Variants in GAPDH observed in about 807,000 individuals in gnomAD.
The protein encoded by GAPDH is OCAS, p38 component.
Under a neutral mutation model 31.2 loss-of-function variants are expected in GAPDH, and 13 were observed. The ratio of observed to expected loss-of-function variants is 0.42; its 90% confidence interval spans 0.27 to 0.66. The LOEUF (loss-of-function observed/expected upper bound fraction) is 0.66. GAPDH is among the 30% of genes least tolerant of loss of function. The pLI, the probability that GAPDH is intolerant of heterozygous loss-of-function variation, is 0.26. For missense variants in GAPDH, 300 were observed against 443.7 expected, an observed-to-expected ratio of 0.68 and a Z score of 2.91; for synonymous variants, 211 against 166.9, an observed-to-expected ratio of 1.26 and a Z score of -2.04.
intron 2 of GAPDH, 40 bp downstream of exon 2, chr12:6,534,901 GCCCC>G: frequency 6.2e-7 from 1 of 1,605,086 alleles, no homozygotes; most frequent in South Asian, 1.1e-5. Flanking sequence ...GGCTGCGACC[GCCCC>G]CGAACCGCGT....
chr12:6,537,467 G>A lies in GAPDH; in HGVS notation c.525+77G>A, dbSNP rs567733940. ...TGGCTCCTCCCTGCCGGGGCTGCGT[G>A]CAACCCTGGGGTTGGGGGTTCTGGG... is the stretch of plus-strand genomic sequence containing the variant. On this transcript the variant is annotated intron_variant, in intron 7 of 8. Transcript: ENST00000229239. This position sits in a 1 kb window ranked among gnomAD's most constrained non-coding sequence, Gnocchi z 4.9. 3.8e-6 allele frequency: 6 copies of A among 1,582,896 alleles called. No individual in the cohort carries two copies. The highest frequency in any genetic ancestry group is 5.2e-6 in the Non-Finnish European group (6 of 1,155,204).
rs757670451 is a variant in GAPDH, at chr12:6,536,481, T to C, written c.30-13T>C. On this transcript the variant is annotated splice_polypyrimidine_tract_variant and intron_variant, in intron 2 of 8. Coordinates refer to ENST00000229239, the MANE Select transcript of GAPDH (RefSeq NM_002046.7). ...CCTCCCCTCCTCATGCCTTCTTGCC[T>C]CTTGTCTCTTAGATTTGGTCGTATT... 7 of 1,604,816 alleles carry C rather than the reference T, an allele frequency of 4.4e-6. No individual in the cohort carries two copies.
At position 6,538,120 on chromosome 12, in the gene GAPDH, T is replaced by C; in HGVS notation, c.958T>C (p.Tyr320His). The C allele has an allele frequency of 6.2e-7, 1 of 1,613,784 alleles. No homozygotes were observed. The highest frequency in any genetic ancestry group is 8.5e-7 in the Non-Finnish European group (1 of 1,179,980). ...TTCTAGGTATGACAACGAATTTGGCTACAGCAACAGGGTGGTGGACCTCAT... is the reference window on the plus strand; with the variant it reads ...TTCTAGGTATGACAACGAATTTGGCCACAGCAACAGGGTGGTGGACCTCAT... The part of the protein sequence containing the change: ...LISWYDNEFG[Y>H]SNRVVDLMAH... Residue 320 changes from tyrosine (Y) to histidine (H), a missense_variant, in exon 9 of 9, where the codon TAC (tyrosine) becomes CAC (histidine). By Grantham distance (83) the Tyr-to-His change is moderately conservative. Transcript: ENST00000229239.
rs766023125 is a variant in GAPDH at position 6,537,284 on chromosome 12, C to T, written c.444-25C>T. ...CCTATGGACACGCTCCCCTGACTTGCGCCCCGCTCCCTCTTTCTTTGCAGC... is the reference window on the plus strand; with the variant it reads ...CCTATGGACACGCTCCCCTGACTTGTGCCCCGCTCCCTCTTTCTTTGCAGC... On this transcript the variant is annotated intron_variant, in intron 6 of 8. Coordinates refer to ENST00000229239, the MANE Select transcript of GAPDH (RefSeq NM_002046.7). The surrounding 1 kb of genome is among the most constrained non-coding windows in gnomAD (Gnocchi z 4.9). The T allele has an allele frequency of 1.3e-5, 20 of 1,599,848 alleles. No individual in the cohort carries two copies. In the East Asian group the frequency reaches 1.4e-4, roughly 11 times the overall value.
At chr12:6,535,093 C>A in intron 2 of GAPDH, 1 of 766,010 alleles carries the variant, frequency 1.3e-6, no homozygotes, top group South Asian at 2.1e-5. Flanking sequence ...CCCCTAGTCC[C>A]CAGAAACAGG....
intron 2 of GAPDH, chr12:6,535,150 G>T: frequency 1.9e-6 from 2 of 1,026,810 alleles, no homozygotes; most frequent in South Asian, 5.0e-5. Context: ...CCTAGGTGGG[G>T]GACGCTTTCT....
At chr12:6,535,956 A>G (rs778145427) in intron 2 of GAPDH, among the ~76,000 whole-genome samples, 24 of 152,150 alleles carry the variant, frequency 1.6e-4, no homozygotes, top group Admixed American at 1.0e-3. Context: ...TGGCAAATCA[A>G]AGCCCTGGGA....
Position 6,537,465 on chromosome 12 carries a change from G to A in GAPDH, c.525+75G>A, listed in dbSNP as rs547616734. ...ACTGGCTCCTCCCTGCCGGGGCTGC[G>A]TGCAACCCTGGGGTTGGGGGTTCTG... is the stretch of plus-strand genomic sequence containing the variant. On this transcript the variant is annotated intron_variant, in intron 7 of 8. Coordinates refer to ENST00000229239, the MANE Select transcript of GAPDH (RefSeq NM_002046.7). The surrounding 1 kb of genome is among the most constrained non-coding windows in gnomAD (Gnocchi z 4.9). 2.6e-5 allele frequency: 41 copies of A among 1,578,272 alleles called. No individual in the cohort carries two copies. The highest frequency in any genetic ancestry group is 1.5e-4 in the African/African-American group (11 of 74,318).
At chr12:6,534,705 G>GT (rs1946418587) in intron 1 of GAPDH, 105 bp from the exon 2 acceptor site, 6 of 999,356 alleles carry the variant, frequency 6.0e-6, no homozygotes, top group Non-Finnish European at 9.2e-6. Context: ...GGCGGAGGAC[G>GT]TGATGCGGCG....
rs1364800472 is a variant in GAPDH, at chr12:6,538,297, C to T, written c.*127C>T. ...CCCCTCCTCACAGTTGCCATGTAGA[C>T]CCCTTGAAGAGGGGAGGGGCCTAGG... is the stretch of plus-strand genomic sequence containing the variant. On this transcript the variant is annotated 3_prime_UTR_variant, in exon 9 of 9. Coordinates refer to ENST00000229239, the MANE Select transcript of GAPDH (RefSeq NM_002046.7). The T allele has an allele frequency of 3.9e-6, 3 of 777,268 alleles. No individual in the cohort carries two copies. Among genetic ancestry groups the T allele is most frequent in the African/African-American group, 1.7e-5 (1 of 57,604 alleles). 48.1% of individuals were successfully genotyped at this position (777,268 alleles called of 1,614,324 possible).
chr12:6,537,376 G>T lies in GAPDH; in HGVS notation c.511G>T (p.Val171Leu). 1 of 1,608,986 alleles carries T rather than the reference G, an allele frequency of 6.2e-7. No individual in the cohort carries two copies. Residue 171 changes from valine to leucine, a missense_variant, in exon 7 of 9, where the codon GTG becomes TTG. By Grantham distance (32) the Val-to-Leu change is conservative. Coordinates refer to ENST00000229239, the MANE Select transcript of GAPDH (RefSeq NM_002046.7). The surrounding 1 kb of genome is among the most constrained non-coding windows in gnomAD (Gnocchi z 4.9). ...AKVIHDNFGIVEGLMTTVHAI... is the reference protein window; with the variant it reads ...AKVIHDNFGILEGLMTTVHAI... ...GGTCATCCATGACAACTTTGGTATC[G>T]TGGAAGGACTCATGGTATGAGAGCT...
chr12:6,535,024 C>G (rs968749107), intron 2 of GAPDH, 163 bp downstream of exon 2: 1 of 883,482 alleles, frequency 1.1e-6, no homozygotes, highest in Non-Finnish European at 1.7e-6. Context: ...GCCCCGCACC[C>G]AGGCTGTGGC....
At position 6,537,186 on chromosome 12, in the gene GAPDH, A is replaced by C. The variant is rs1946491757; in HGVS notation, c.413A>C (p.Glu138Ala). 6.2e-7 allele frequency: 1 copy of C among 1,613,034 alleles called. No individual in the cohort carries two copies. The highest frequency in any genetic ancestry group is 1.7e-5 in the Admixed American group (1 of 60,002). The change falls in exon 6 of 9, where the codon GAG becomes GCG. Residue 138 changes from glutamate to alanine, a missense_variant. By Grantham distance (107) the Glu-to-Ala change is moderately radical (BLOSUM62 -1). Transcript: ENST00000229239. This position sits in a 1 kb window ranked among gnomAD's most constrained non-coding sequence, Gnocchi z 4.9. ...APMFVMGVNH[E>A]KYDNSLKIIS... ...ATGTTCGTCATGGGTGTGAACCATG[A>C]GAAGTATGACAACAGCCTCAAGATC...
At position 6,537,407 on chromosome 12, in the gene GAPDH, A is replaced by G. The variant is rs1253623992; in HGVS notation, c.525+17A>G. ...GGACTCATGGTATGAGAGCTGGGGA[A>G]TGGGACTGAGGCTCCCACCTTTCTC... On this transcript the variant is annotated intron_variant, in intron 7 of 8. Coordinates refer to ENST00000229239, the MANE Select transcript of GAPDH (RefSeq NM_002046.7). The surrounding 1 kb of genome is among the most constrained non-coding windows in gnomAD (Gnocchi z 4.9). The G allele has an allele frequency of 2.5e-6, 4 of 1,603,798 alleles. No homozygotes were observed. The highest frequency in any genetic ancestry group is 1.7e-5 in the Admixed American group (1 of 59,358).
At position 6,537,083 on chromosome 12, in the gene GAPDH, T is replaced by A. The variant is rs1396933457; in HGVS notation, c.328-18T>A. On this transcript the variant is annotated intron_variant, in intron 5 of 8. Coordinates refer to ENST00000229239, the MANE Select transcript of GAPDH (RefSeq NM_002046.7). This position sits in a 1 kb window ranked among gnomAD's most constrained non-coding sequence, Gnocchi z 4.9. ...AAGGCAGGACCCGGGTTCATAACTG[T>A]CTGCTTCTCTGCTGTAGGCTCATTT... is the stretch of plus-strand genomic sequence containing the variant. 1.2e-6 allele frequency: 2 copies of A among 1,609,288 alleles called. No homozygotes were observed. The highest frequency in any genetic ancestry group is 8.5e-7 in the Non-Finnish European group (1 of 1,178,366).
chr12:6,534,610 C>T, intron 1 of GAPDH, 41 bp downstream of exon 1: 1 of 587,028 alleles, frequency 1.7e-6, no homozygotes, highest in Non-Finnish European at 3.0e-6. Context: ...CTAGGGACGG[C>T]CTGAAGGCGG....
In GAPDH at chr12:6,537,813, C is replaced by T. The variant is rs1946517126; in HGVS notation, c.755C>T (p.Pro252Leu). ...VVDLTCRLEK[P>L]AKYDDIKKVV... ...GACCTGACCTGCCGTCTAGAAAAAC[C>T]TGCCAAATATGATGACATCAAGAAG... Residue 252 changes from proline (P) to leucine (L), a missense_variant, in exon 8 of 9, where the codon CCT (proline) becomes CTT (leucine). By Grantham distance (98) the Pro-to-Leu change is moderately conservative. Coordinates refer to ENST00000229239, the MANE Select transcript of GAPDH (RefSeq NM_002046.7). The surrounding 1 kb of genome is among the most constrained non-coding windows in gnomAD (Gnocchi z 4.9). 1 of 1,611,992 alleles carries T rather than the reference C, an allele frequency of 6.2e-7. No individual in the cohort carries two copies. Among genetic ancestry groups the T allele is most frequent in the Non-Finnish European group, 8.5e-7 (1 of 1,179,880 alleles).
In GAPDH at chr12:6,534,788, ACT is replaced by A; in HGVS notation, c.-23-21_-23-20del. On this transcript the variant is annotated intron_variant, in intron 1 of 8. Coordinates refer to ENST00000229239, the MANE Select transcript of GAPDH (RefSeq NM_002046.7). ...TGTCGGCCGGGGCCACTAGGCGCTC[ACT>A]GTTCTCTCCCTCCGCGCAGCCGAGC... The A allele has an allele frequency of 6.2e-7, 1 of 1,608,442 alleles. No homozygotes were observed. Among genetic ancestry groups the A allele is most frequent in the South Asian group, 1.1e-5 (1 of 90,688 alleles).
chr12:6,536,681 C>A lies in GAPDH; in HGVS notation c.130-3C>A, dbSNP rs766844116. The stretch of plus-strand genomic sequence containing the variant: ...CCCTTCATACCCTCACGTATTCCCC[C>A]AGGTTTACATGTTCCAATATGATTC... On this transcript the variant is annotated splice_polypyrimidine_tract_variant and splice_region_variant and intron_variant, in intron 3 of 8. Coordinates refer to ENST00000229239, the MANE Select transcript of GAPDH (RefSeq NM_002046.7). 1 of 1,606,392 alleles carries A rather than the reference C, an allele frequency of 6.2e-7. No homozygotes were observed. The highest frequency in any genetic ancestry group is 8.5e-7 in the Non-Finnish European group (1 of 1,177,890).
Sources: allele counts gnomAD v4.1 joint callset (sites outside exome capture counted in the v4.1 genomes callset), GRCh38; gene constraint gnomAD v4.1.1; non-coding constraint Gnocchi (gnomAD v3.1); transcripts MANE v1.5; gene names NCBI Gene and HGNC (gene_info 2026-07-23, HGNC 2026-07-21).